Variants in CSMD1 observed in about 807,000 individuals in gnomAD.
CSMD1 encodes the protein CUB and sushi domain-containing protein 1.
Under a neutral mutation model 417.5 loss-of-function variants are expected in CSMD1, and 213 were observed. The ratio of observed to expected loss-of-function variants is 0.51; its 90% CI spans 0.46 to 0.57. CSMD1 has a LOEUF of 0.57. Among genes scored for constraint, CSMD1 ranks in the 20% least tolerant of loss-of-function variants. The pLI is 0.00. For synonymous variants in CSMD1, 2,862 were observed against 1,736.8 expected (o/e 1.65, Z -16.11); for missense variants, 6,923 against 4,529.7 (o/e 1.53, Z -15.17).
chr8:4,566,260 C>G (rs2617059), intron 2 of CSMD1, among the ~76,000 whole-genome samples: 100,683 of 151,926 alleles, frequency 0.66, 33,933 homozygotes, highest in Non-Finnish European at 0.72. Context: ...AACACTGGTA[C>G]CTGGCACCAT....
intron 49 of CSMD1, among the ~76,000 whole-genome samples, chr8:3,079,092 C>A (rs1338100471): frequency 1.3e-5 from 2 of 152,114 alleles, no homozygotes; most frequent in Non-Finnish European, 2.9e-5. Context: ...ATTGCGGGAG[C>A]CTGACTGCAA....
chr8:4,547,263 G>A (rs974812426), intron 2 of CSMD1, among the ~76,000 whole-genome samples: 1 of 152,148 alleles, frequency 6.6e-6, no homozygotes, highest in African/African-American at 2.4e-5. Context: ...GAGTCTGGGT[G>A]TTGCCATCTT....
intron 20 of CSMD1, among the ~76,000 whole-genome samples, chr8:3,365,155 G>C (rs1563314232): frequency 6.6e-6 from 1 of 152,200 alleles, no homozygotes; most frequent in Non-Finnish European, 1.5e-5. Context: ...TTAGGAATTA[G>C]TGTTGGGAAG....
At chr8:4,388,448 C>T (rs1470900467) in intron 3 of CSMD1, among the ~76,000 whole-genome samples, 1 of 150,960 alleles carries the variant, frequency 6.6e-6, no homozygotes, top group Non-Finnish European at 1.5e-5. Flanking sequence ...TGAAGTAACT[C>T]AGGAATGAAA....
chr8:3,622,246 G>A (rs189268009), intron 7 of CSMD1, among the ~76,000 whole-genome samples: 10 of 152,242 alleles, frequency 6.6e-5, no homozygotes, highest in East Asian at 1.9e-4. Context: ...ATCACAGGCT[G>A]GATGTCTTCT....
intron 23 of CSMD1, among the ~76,000 whole-genome samples, chr8:3,315,353 T>C (rs1268716785): frequency 6.6e-6 from 1 of 152,080 alleles, no homozygotes; most frequent in African/African-American, 2.4e-5. Flanking sequence ...TCCTGAAATG[T>C]GTGATTATTT....
chr8:4,287,115 G>C (rs1424713933), intron 3 of CSMD1, among the ~76,000 whole-genome samples: 1 of 152,106 alleles, frequency 6.6e-6, no homozygotes, highest in Non-Finnish European at 1.5e-5. Context: ...AAACAAACAA[G>C]GGTTCTTCAA....
At position 3,237,644 on chromosome 8, in the gene CSMD1, A is replaced by AAAG. The variant is rs1338025851; in HGVS notation, c.4154-7414_4154-7413insCTT. ...AATATATTTTTTATACTTATACTAT[A>AAAG]ATTTTTTAAATTATACTATAAATAT... On this transcript the variant is annotated intron_variant, in intron 26 of 69. Transcript: ENST00000635120. 7.8e-4 allele frequency among the ~76,000 whole-genome samples: 110 copies of AAAG among 141,482 alleles called. 17 individuals carry two copies. Among genetic ancestry groups the AAAG allele is most frequent in the Admixed American group, 3.2e-3 (44 of 13,902 alleles). The allele number at this position is 141,482 out of a possible 152,430, so 92.8% of individuals were successfully genotyped here.
chr8:4,186,600 G>A (rs6984970), intron 3 of CSMD1, among the ~76,000 whole-genome samples: 126,864 of 152,056 alleles, frequency 0.83, 53,125 homozygotes, highest in South Asian at 0.94. Context: ...TGTCAAATCA[G>A]CCCCTCTCTC....
At chr8:4,184,648 T>G (rs559948154) in intron 3 of CSMD1, among the ~76,000 whole-genome samples, 1 of 151,834 alleles carries the variant, frequency 6.6e-6, no homozygotes, top group Admixed American at 6.6e-5. Flanking sequence ...AAGTTGGAGC[T>G]AAAGGAAGAC....
intron 57 of CSMD1, 42 bp from the exon 58 acceptor site, chr8:2,966,788 C>T (rs1487896200): frequency 3.8e-6 from 6 of 1,592,934 alleles, no homozygotes; most frequent in Non-Finnish European, 5.1e-6. Context: ...AGTGAGTGAC[C>T]CAGCATGAAA....
At chr8:2,959,997 A>T (rs1238823659) in intron 62 of CSMD1, among the ~76,000 whole-genome samples, 1 of 152,184 alleles carries the variant, frequency 6.6e-6, no homozygotes, top group Admixed American at 6.5e-5. Flanking sequence ...TATTAGTGTC[A>T]TATGATAGGT....
rs1585176126 is a variant in CSMD1, at chr8:4,294,665, T to C, written c.415+125288A>G. On this transcript the variant is annotated intron_variant, in intron 3 of 69. Transcript: ENST00000635120. ...AGTTATATTCATGTTTCTTGGTATT[T>C]TACATTTTAAAAATATTCTAAGATG... Among the ~76,000 whole-genome samples the C allele has an allele frequency of 2.0e-5, 3 of 152,158 alleles. No individual in the cohort carries two copies. In the East Asian group the frequency reaches 5.8e-4, roughly 29 times the overall value.
intron 12 of CSMD1, among the ~76,000 whole-genome samples, chr8:3,425,394 C>G (rs562374118): frequency 6.6e-6 from 1 of 151,580 alleles, no homozygotes; most frequent in Non-Finnish European, 1.5e-5. Context: ...TCCAGACCAT[C>G]GTGGCCAACA....
At position 3,052,402 on chromosome 8, in the gene CSMD1, C is replaced by A; in HGVS notation, c.7660+60G>T. The stretch of plus-strand genomic sequence containing the variant: ...TGAACGTGGGAACCCGGACTTCTCC[C>A]GAAAGCATTCAGTTCCCACCTAAAC... On this transcript the variant is annotated intron_variant, in intron 50 of 69. Transcript: ENST00000635120. The A allele has an allele frequency of 4.3e-6, 6 of 1,396,592 alleles. No homozygotes were observed. The South Asian group carries it at 5.7e-5, about 13-fold the overall frequency. The allele number at this position is 1,396,592 out of a possible 1,614,324, so 86.5% of individuals were successfully genotyped here. A position where few individuals can be genotyped will look rare whatever the true frequency, so the allele number is the denominator to read the frequency against.
rs36000734 is a variant in CSMD1 at position 4,441,095 on chromosome 8, GTTTTT to G, written c.303-21035_303-21031del. On this transcript the variant is annotated intron_variant, in intron 2 of 69. Transcript: ENST00000635120. ...AATAATTTGACTCGTTAATCAAAAGGTTTTTTTTTTTTTTTTTTTTTTTAAGAGAT... is the reference window on the plus strand; with the variant it reads ...AATAATTTGACTCGTTAATCAAAAGGTTTTTTTTTTTTTTTTTTAAGAGAT... Among the ~76,000 whole-genome samples, 9 of 51,296 alleles carry G rather than the reference GTTTTT, an allele frequency of 1.8e-4. 1 individual carries two copies. The highest frequency in any genetic ancestry group is 1.1e-3 in the South Asian group (1 of 936). 33.7% of individuals were successfully genotyped at this position (51,296 alleles called of 152,430 possible). A position where few individuals can be genotyped will look rare whatever the true frequency, so the allele number is the denominator to read the frequency against.
intron 1 of CSMD1, among the ~76,000 whole-genome samples, chr8:4,690,514 G>T (rs1350908944): frequency 6.6e-6 from 1 of 152,106 alleles, no homozygotes; most frequent in African/African-American, 2.4e-5. Flanking sequence ...TATTTGAGTG[G>T]TATTTCCTGG....
At chr8:4,429,086 T>C (rs1412454634) in intron 2 of CSMD1, among the ~76,000 whole-genome samples, 1 of 152,070 alleles carries the variant, frequency 6.6e-6, no homozygotes. Context: ...AGTATATATG[T>C]CCATCATAAA....
chr8:4,139,526 G>T (rs1172046961), intron 3 of CSMD1, among the ~76,000 whole-genome samples: 2 of 149,024 alleles, frequency 1.3e-5, no homozygotes, highest in African/African-American at 5.2e-5. Context: ...GGATCTCAGG[G>T]GAGTGGCACT....
Sources: allele counts gnomAD v4.1 joint callset (sites outside exome capture counted in the v4.1 genomes callset), GRCh38; gene constraint gnomAD v4.1.1; transcripts MANE v1.5; gene names NCBI Gene and HGNC (gene_info 2026-07-23, HGNC 2026-07-21).